The following RAB40B variants were observed in gnomAD, a reference collection of about 807,000 sequenced individuals.
The protein encoded by RAB40B is RAB40B, member RAS oncogene family, also known as ras-related protein Rab-40B.
RAB40B carries 21 observed loss-of-function variants against 24.0 expected under a neutral mutation model. The ratio of observed to expected loss-of-function variants is 0.88; its 90% CI spans 0.62 to 1.26. The LOEUF (loss-of-function observed/expected upper bound fraction) is 1.26. Among genes scored for constraint, RAB40B ranks in the 50% most tolerant of loss-of-function variants. The pLI, the probability that RAB40B is intolerant of heterozygous loss-of-function variation, is 0.00. For synonymous variants in RAB40B, 167 were observed against 169.8 expected, an observed-to-expected ratio of 0.98 and a Z score of 0.13; for missense variants, 348 against 390.5, an observed-to-expected ratio of 0.89 and a Z score of 0.92.
At chr17:82,662,503 A>G (rs144446989) in intron 2 of RAB40B, 15 of 985,394 alleles carry the variant, frequency 1.5e-5, no homozygotes, top group Non-Finnish European at 1.7e-5. Context: ...GCCCAACCCC[A>G]GCCCCAGTGG....
chr17:82,662,990 T>G (rs908659835), intron 2 of RAB40B, among the ~76,000 whole-genome samples: 2 of 150,292 alleles, frequency 1.3e-5, no homozygotes, highest in Non-Finnish European at 3.0e-5. Context: ...GGGAGAGACT[T>G]GAGAACAAGG....
At chr17:82,677,373 C>T (rs2046404983) in intron 1 of RAB40B, among the ~76,000 whole-genome samples, 1 of 152,242 alleles carries the variant, frequency 6.6e-6, no homozygotes, top group Admixed American at 6.5e-5. Context: ...AGATTCCCCT[C>T]AGAAAGAGCT....
At chr17:82,673,205 A>T (rs551713678) in intron 1 of RAB40B, among the ~76,000 whole-genome samples, 5 of 136,082 alleles carry the variant, frequency 3.7e-5, no homozygotes, top group Admixed American at 6.8e-5. Flanking sequence ...CTCTTGTCTC[A>T]AAAAAAAAAT....
chr17:82,661,640 G>A (rs796276411), intron 2 of RAB40B, among the ~76,000 whole-genome samples: 33 of 152,202 alleles, frequency 2.2e-4, no homozygotes, highest in African/African-American at 7.0e-4. Flanking sequence ...TAATCCCAGC[G>A]CTTTGGGAGA....
intron 1 of RAB40B, among the ~76,000 whole-genome samples, chr17:82,677,028 A>G (rs1050158679): frequency 6.6e-6 from 1 of 151,386 alleles, no homozygotes; most frequent in African/African-American, 2.4e-5. Context: ...GGCTCACCGC[A>G]AGCTCCACCT....
intron 1 of RAB40B, among the ~76,000 whole-genome samples, chr17:82,693,571 C>T (rs2046579490): frequency 6.6e-6 from 1 of 152,194 alleles, no homozygotes; most frequent in African/African-American, 2.4e-5. Context: ...GACCTTTCAA[C>T]AGAAATGCAA....
chr17:82,662,257 C>G (rs558274656), intron 2 of RAB40B: 2 of 985,354 alleles, frequency 2.0e-6, no homozygotes, highest in Non-Finnish European at 2.4e-6. Flanking sequence ...GCAAATTGAT[C>G]TAGAATTCAA....
At chr17:82,690,329 T>C (rs1237350156) in intron 1 of RAB40B, among the ~76,000 whole-genome samples, 1 of 149,074 alleles carries the variant, frequency 6.7e-6, no homozygotes, top group African/African-American at 2.5e-5. Context: ...GCATGTGTGT[T>C]CCTGGGAGCA....
intron 1 of RAB40B, 51 bp from the exon 2 acceptor site, chr17:82,664,607 G>A (rs74002927): frequency 8.4e-6 from 13 of 1,547,160 alleles, no homozygotes; most frequent in Non-Finnish European, 1.2e-5. Context: ...CTAACAGGAC[G>A]CTGGAAGTCT....
Position 82,663,454 on chromosome 17 carries a change from C to T in RAB40B, c.203+1042G>A, listed in dbSNP as rs532422028. Among the ~76,000 whole-genome samples the T allele has an allele frequency of 1.0e-3, 156 of 152,206 alleles. 1 individual carries two copies. Among genetic ancestry groups the T allele is most frequent in the African/African-American group, 3.5e-3 (145 of 41,522 alleles). On this transcript the variant is annotated intron_variant, in intron 2 of 5. Coordinates refer to ENST00000571995, the MANE Select transcript of RAB40B (RefSeq NM_006822.3). The surrounding 1 kb of genome is among the most constrained non-coding windows in gnomAD (Gnocchi z 6.2). ...ATCCCCACCGCCCCAGAGCTGGAAC[C>T]GCAGGAGCTCCCCCCATCCCAAGCC...
intron 1 of RAB40B, among the ~76,000 whole-genome samples, chr17:82,670,277 C>T (rs1195819165): frequency 1.3e-5 from 2 of 149,986 alleles, no homozygotes; most frequent in African/African-American, 2.5e-5. Flanking sequence ...CTCCGCCCAC[C>T]GGGTTCAAGC....
At chr17:82,684,411 T>C (rs971002719) in intron 1 of RAB40B, among the ~76,000 whole-genome samples, 1 of 152,286 alleles carries the variant, frequency 6.6e-6, no homozygotes, top group Non-Finnish European at 1.5e-5. Context: ...ATTTATCATA[T>C]GACCTAGCAA....
chr17:82,659,899 C>G, intron 3 of RAB40B: 1 of 512,832 alleles, frequency 1.9e-6, no homozygotes, highest in Non-Finnish European at 3.6e-6. Context: ...ACGAGCCACT[C>G]CAGGAACACA....
Position 82,663,430 on chromosome 17 carries a change from T to C in RAB40B, c.203+1066A>G, listed in dbSNP as rs1441111499. 6.6e-6 allele frequency among the ~76,000 whole-genome samples: 1 copy of C among 151,616 alleles called. No homozygotes were observed. Among genetic ancestry groups the C allele is most frequent in the Non-Finnish European group, 1.5e-5 (1 of 67,836 alleles). ...GATGAGGCACCGCAGGAGCCCCCCA[T>C]CCCCACCGCCCCAGAGCTGGAACCG... On this transcript the variant is annotated intron_variant, in intron 2 of 5. Coordinates refer to ENST00000571995, the MANE Select transcript of RAB40B (RefSeq NM_006822.3). This position sits in a 1 kb window ranked among gnomAD's most constrained non-coding sequence, Gnocchi z 6.2.
At chr17:82,676,594 T>G (rs2046397222) in intron 1 of RAB40B, among the ~76,000 whole-genome samples, 1 of 152,066 alleles carries the variant, frequency 6.6e-6, no homozygotes, top group Non-Finnish European at 1.5e-5. Flanking sequence ...CCCGCCAGTT[T>G]GACATCTCTG....
intron 1 of RAB40B, among the ~76,000 whole-genome samples, chr17:82,695,856 C>A (rs1374448375): frequency 1.3e-5 from 2 of 151,998 alleles, no homozygotes; most frequent in Non-Finnish European, 2.9e-5. Context: ...CAGCTCAGGC[C>A]AAGTAGACAA....
In RAB40B at chr17:82,671,517, CT is replaced by C. The variant is rs140904221; in HGVS notation, c.143-6962del. On this transcript the variant is annotated intron_variant, in intron 1 of 5. Coordinates refer to ENST00000571995, the MANE Select transcript of RAB40B (RefSeq NM_006822.3). ...CTGTACTCACTGACACACCCCACCCCTGTAACTCTAACACACACACTCACAC... is the reference window on the plus strand; with the variant it reads ...CTGTACTCACTGACACACCCCACCCCGTAACTCTAACACACACACTCACAC... 9.6e-3 allele frequency among the ~76,000 whole-genome samples: 884 copies of C among 91,934 alleles called. 28 individuals carry two copies. Among genetic ancestry groups the C allele is most frequent in the South Asian group, 0.02 (41 of 2,078 alleles). 60.3% of individuals were successfully genotyped at this position (91,934 alleles called of 152,430 possible). A position where few individuals can be genotyped will look rare whatever the true frequency, so the allele number is the denominator to read the frequency against.
At position 82,663,129 on chromosome 17, in the gene RAB40B, G is replaced by A. The variant is rs2046196760; in HGVS notation, c.203+1367C>T. The stretch of plus-strand genomic sequence containing the variant: ...GCGAGGGCATGGCCCCGGGGGAGTG[G>A]GGACCTGAGAGCAGACTGGGCGGGA... On this transcript the variant is annotated intron_variant, in intron 2 of 5. Transcript: ENST00000571995. This position sits in a 1 kb window ranked among gnomAD's most constrained non-coding sequence, Gnocchi z 6.2. Among the ~76,000 whole-genome samples the A allele has an allele frequency of 6.6e-6, 1 of 152,180 alleles. No homozygotes were observed. Among genetic ancestry groups the A allele is most frequent in the Non-Finnish European group, 1.5e-5 (1 of 68,026 alleles).
chr17:82,676,998 G>T (rs2046401239), intron 1 of RAB40B, among the ~76,000 whole-genome samples: 1 of 150,702 alleles, frequency 6.6e-6, no homozygotes, highest in African/African-American at 2.4e-5. Context: ...GTCCAGGCTG[G>T]AGTGCAGTGG....
Sources: gnomAD v4.1 joint callset for allele counts (sites outside exome capture counted in the v4.1 genomes callset) on GRCh38, gnomAD v4.1.1 for gene constraint, Gnocchi (gnomAD v3.1) non-coding constraint, MANE v1.5 for transcripts, NCBI Gene and HGNC (gene_info 2026-07-23, HGNC 2026-07-21) for gene names.